Variants in APAF1 observed in about 807,000 individuals in gnomAD.
APAF1 encodes apoptotic peptidase activating factor 1.
A neutral mutation model predicts 152.4 loss-of-function variants in APAF1; 91 were observed. That is an observed-to-expected ratio of 0.60 (90% confidence interval 0.50 to 0.71). The LOEUF (loss-of-function observed/expected upper bound fraction) is 0.71, where lower values mean the gene tolerates loss of function less well. APAF1 is among the 30% of genes least tolerant of loss of function. APAF1 has a pLI of 0.00. For missense variants in APAF1, 1,283 were observed against 1,472.0 expected (o/e 0.87, Z 2.10); for synonymous variants, 484 against 494.1 (o/e 0.98, Z 0.27).
chr12:98,653,680 AAAAAAAAAAAAATAT>A (rs1392171104), intron 4 of APAF1, among the ~76,000 whole-genome samples: 9 of 66,790 alleles, frequency 1.3e-4, no homozygotes, highest in South Asian at 5.0e-4. Context: ...AAAAAAAAAA[AAAAAAAAAAAAATAT>A]ATATATATAT....
intron 22 of APAF1, 40 bp from the exon 23 acceptor site, chr12:98,723,153 C>A (rs374851226): frequency 1.2e-6 from 2 of 1,601,900 alleles, no homozygotes; most frequent in Non-Finnish European, 1.7e-6. Flanking sequence ...GAGATAGGAT[C>A]GGGGGAGGAT....
At chr12:98,718,471 G>A (rs970403995) in intron 22 of APAF1, among the ~76,000 whole-genome samples, 3 of 152,036 alleles carry the variant, frequency 2.0e-5, no homozygotes, top group Non-Finnish European at 4.4e-5. Context: ...CTGATCTCAA[G>A]TGATCTCACC....
chr12:98,665,278 A>ATTTTTTT (rs376318016), intron 7 of APAF1, among the ~76,000 whole-genome samples: 1 of 66,012 alleles, frequency 1.5e-5, no homozygotes, highest in African/African-American at 5.7e-5. Flanking sequence ...ATATATATAT[A>ATTTTTTT]TTTTTTTTTT....
At chr12:98,665,083 G>A (rs1353195691) in intron 7 of APAF1, among the ~76,000 whole-genome samples, 1 of 149,362 alleles carries the variant, frequency 6.7e-6, no homozygotes, top group Non-Finnish European at 1.5e-5. Flanking sequence ...AGGCTAGGAT[G>A]CAGTGGTGCT....
At chr12:98,706,170 A>G (rs1007085888) in intron 18 of APAF1, among the ~76,000 whole-genome samples, 2 of 152,150 alleles carry the variant, frequency 1.3e-5, no homozygotes, top group African/African-American at 2.4e-5. Context: ...TTAACAATAT[A>G]TCCTAGAGAT....
intron 14 of APAF1, among the ~76,000 whole-genome samples, chr12:98,682,580 A>AT (rs148969717): frequency 2.6e-5 from 4 of 152,142 alleles, no homozygotes; most frequent in East Asian, 3.9e-4. Context: ...TAAAACCTTT[A>AT]TTTTTTTTAA....
intron 12 of APAF1, among the ~76,000 whole-genome samples, chr12:98,676,617 G>T (rs952442689): frequency 2.7e-5 from 4 of 150,902 alleles, no homozygotes; most frequent in Non-Finnish European, 5.9e-5. Flanking sequence ...TATCTTTTTG[G>T]TATGTCTGAA....
chr12:98,676,000 G>A (rs965477715), intron 12 of APAF1, among the ~76,000 whole-genome samples: 4 of 152,092 alleles, frequency 2.6e-5, no homozygotes, highest in Non-Finnish European at 4.4e-5. Context: ...AAACTTGTTA[G>A]GTTAAGTAAT....
intron 4 of APAF1, among the ~76,000 whole-genome samples, chr12:98,650,157 C>A (rs75666371): frequency 6.6e-6 from 1 of 152,124 alleles, no homozygotes; most frequent in Non-Finnish European, 1.5e-5. Flanking sequence ...TATGACACTT[C>A]TAGGGGAATT....
intron 16 of APAF1, among the ~76,000 whole-genome samples, chr12:98,697,060 A>G (rs560547248): frequency 9.9e-5 from 15 of 152,186 alleles, no homozygotes; most frequent in Middle Eastern, 3.2e-3. Flanking sequence ...ACCAGATTGA[A>G]CTTGTTCTTC....
At chr12:98,676,699 T>A (rs1045517759) in intron 12 of APAF1, among the ~76,000 whole-genome samples, 2 of 148,852 alleles carry the variant, frequency 1.3e-5, no homozygotes, top group Admixed American at 6.8e-5. Flanking sequence ...CAGGCTGGAG[T>A]GCAGTGGCGC....
chr12:98,655,688 A>G (rs896004134), intron 4 of APAF1, among the ~76,000 whole-genome samples: 4 of 152,048 alleles, frequency 2.6e-5, no homozygotes, highest in Non-Finnish European at 4.4e-5. Context: ...ATCCTGGCTC[A>G]CTGCAGCCTC....
In APAF1 at chr12:98,684,360, A is replaced by ACTCTCTCTTCCTCCCCCTTTCCCTCTC. The variant is rs1237470794; in HGVS notation, c.2178+1095_2178+1121dup. Among the ~76,000 whole-genome samples, 8 of 147,234 alleles carry ACTCTCTCTTCCTCCCCCTTTCCCTCTC rather than the reference A, an allele frequency of 5.4e-5. No homozygotes were observed. The East Asian group carries it at 1.6e-3, about 30-fold the overall frequency. On this transcript the variant is annotated intron_variant, in intron 15 of 26. Transcript: ENST00000551964. ...TGAATGGGACCTACATTTCTTCTTGACTCTCTCTTCCTCCCCCTTTCCCTC... is the reference window on the plus strand; with the variant it reads ...TGAATGGGACCTACATTTCTTCTTGACTCTCTCTTCCTCCCCCTTTCCCTCTCCTCTCTCTTCCTCCCCCTTTCCCTC...
intron 7 of APAF1, among the ~76,000 whole-genome samples, chr12:98,665,017 C>T (rs2153316660): frequency 1.3e-5 from 2 of 151,622 alleles, no homozygotes; most frequent in African/African-American, 2.4e-5. Flanking sequence ...GATGAATATC[C>T]TTAAACTTAA....
At position 98,727,307 on chromosome 12, in the gene APAF1, A is replaced by T; in HGVS notation, c.3591A>T (p.Gly1197=). The change falls in exon 26 of 27, where the codon GGA becomes GGT. Residue 1197 remains glycine, a synonymous_variant. Transcript: ENST00000551964. ...PDGKMLISAG[G]YIKWWNVVTG... ...GCAAAATGCTTATCTCTGCTGGAGG[A>T]TATATTAAGGTAAGAGTTCCCCAAG... 1.2e-6 allele frequency: 2 copies of T among 1,614,068 alleles called. No homozygotes were observed. The highest frequency in any genetic ancestry group is 1.7e-6 in the Non-Finnish European group (2 of 1,179,986).
At chr12:98,649,739 A>G (rs2097646554) in intron 4 of APAF1, 55 bp downstream of exon 4, 2 of 1,433,600 alleles carry the variant, frequency 1.4e-6, no homozygotes, top group Non-Finnish European at 9.7e-7. Flanking sequence ...ATGTAAAAAT[A>G]TTATGATATA....
intron 15 of APAF1, 114 bp from the exon 16 acceptor site, chr12:98,686,634 A>T (rs926663387): frequency 2.8e-6 from 3 of 1,062,428 alleles, no homozygotes; most frequent in Non-Finnish European, 4.1e-6. Context: ...TGAATTAAAC[A>T]TCATTCTGTA....
At chr12:98,703,349 G>T (rs2097717773) in intron 17 of APAF1, 22 bp from the exon 18 acceptor site, 1 of 1,613,316 alleles carries the variant, frequency 6.2e-7, no homozygotes, top group Non-Finnish European at 8.5e-7. Flanking sequence ...ACCTTCATAG[G>T]TATCTCTATT....
chr12:98,728,488 G>C (rs1428715294), intron 26 of APAF1, among the ~76,000 whole-genome samples: 1 of 152,180 alleles, frequency 6.6e-6, no homozygotes, highest in East Asian at 1.9e-4. Flanking sequence ...GGGAGGCCAA[G>C]GCGGGCAGAT....
Sources: allele counts gnomAD v4.1 joint callset (sites outside exome capture counted in the v4.1 genomes callset), GRCh38; gene constraint gnomAD v4.1.1; transcripts MANE v1.5; gene names NCBI Gene and HGNC (gene_info 2026-07-23, HGNC 2026-07-21).